The following MTERF4 variants were observed in gnomAD, a reference collection of about 807,000 sequenced individuals.
The protein encoded by MTERF4 is transcription termination factor 4, mitochondrial.
Under a neutral mutation model 22.5 loss-of-function variants are expected in MTERF4, and 17 were observed. The observed-to-expected ratio is 0.75, with a 90% CI of 0.52 to 1.13. The LOEUF is 1.13. MTERF4 is among the 50% of genes most tolerant of loss of function. The probability of loss-of-function intolerance (pLI) is 0.00; values close to 1 mark genes in which losing one functional copy is unlikely to be tolerated. For missense variants in MTERF4, 420 were observed against 466.8 expected (o/e 0.90, Z 0.92); for synonymous variants, 165 against 175.3 (o/e 0.94, Z 0.47).
the MTERF4 span, chr2:241,064,104 T>C: frequency 1.3e-6 from 2 of 1,564,906 alleles, no homozygotes; most frequent in Non-Finnish European, 1.7e-6. The surrounding 1 kb of genome is among the most constrained non-coding windows in gnomAD (Gnocchi z 7.0). Flanking sequence ...AGAGAGCTTC[T>C]TCGGCTACCA....
downstream of MTERF4, chr2:241,071,964 G>A (rs767345441): frequency 1.2e-5 from 13 of 1,119,106 alleles, no homozygotes; most frequent in African/African-American, 1.2e-4. Flanking sequence ...CCTACATGAT[G>A]AGCCCACCCC....
chr2:241,065,445 C>T, the MTERF4 span: 16 of 1,613,078 alleles, frequency 9.9e-6, no homozygotes, highest in East Asian at 4.5e-5. Context: ...CTCCTACCGC[C>T]GCACAGACTT....
chr2:241,048,882 C>T, the MTERF4 span: 1 of 1,187,182 alleles, frequency 8.4e-7, no homozygotes, highest in Non-Finnish European at 1.2e-6. Context: ...GGTTCTACCC[C>T]CACCCAGGAG....
the MTERF4 span, chr2:241,048,685 C>T: frequency 1.2e-6 from 2 of 1,611,714 alleles, no homozygotes; most frequent in African/African-American, 2.7e-5. Context: ...CTGTGAGTGC[C>T]GCAACGGAGG....
At chr2:241,101,053 CCA>C in intron 1 of MTERF4, 2 of 415,620 alleles carry the variant, frequency 4.8e-6, no homozygotes, top group South Asian at 3.4e-5. Context: ...GACAATTTTT[CCA>C]CAGACTGGTG....
At chr2:241,089,772 C>T (rs2063790230), downstream of MTERF4, among the ~76,000 whole-genome samples, 1 of 152,230 alleles carries the variant, frequency 6.6e-6, no homozygotes, top group Non-Finnish European at 1.5e-5. Flanking sequence ...TTCATCTGGG[C>T]GAACATCATA....
the MTERF4 span, chr2:241,049,833 C>T: frequency 1.4e-5 from 23 of 1,613,560 alleles, no homozygotes; most frequent in South Asian, 2.3e-4. Context: ...CATCACCCTG[C>T]GACTCGGACC....
At chr2:241,063,590 G>C in the MTERF4 span, 1 of 1,598,772 alleles carries the variant, frequency 6.3e-7, no homozygotes, top group Non-Finnish European at 8.5e-7. Flanking sequence ...TGTGCAGAGA[G>C]GGATGAGTGC....
At position 241,073,217 on chromosome 2, in the gene MTERF4, C is replaced by A; in HGVS notation, n.2945G>T. The A allele has an allele frequency of 7.1e-7, 1 of 1,409,894 alleles. No homozygotes were observed. Among genetic ancestry groups the A allele is most frequent in the Non-Finnish European group, 9.8e-7 (1 of 1,021,250 alleles). The allele number at this position is 1,409,894 out of a possible 1,614,324, so 87.3% of individuals were successfully genotyped here. On this transcript the variant is annotated non_coding_transcript_exon_variant, in exon 5 of 5. Coordinates refer to the MTERF4 transcript ENST00000464344. This position sits in a 1 kb window ranked among gnomAD's most constrained non-coding sequence, Gnocchi z 6.6. ...TCAAAAGGGTGGCCCCAGGACCATC[C>A]CGGGTGCAAAGCAGCTGCGCCGTGT...
At chr2:241,102,121 C>CT (rs2064740471) in intron 1 of MTERF4, 132 bp downstream of exon 1, 2 of 1,275,068 alleles carry the variant, frequency 1.6e-6, no homozygotes, top group African/African-American at 3.0e-5. Context: ...ATGCCAAAAC[C>CT]AGGTCAGCGT....
chr2:241,070,279 T>C (rs938483260), downstream of MTERF4: 31 of 1,414,566 alleles, frequency 2.2e-5, no homozygotes, highest in Non-Finnish European at 2.6e-5. Flanking sequence ...GACCTGGCCC[T>C]GCAGGGGCCT....
the MTERF4 span, among the ~76,000 whole-genome samples, chr2:241,062,495 C>T: frequency 2.0e-5 from 3 of 152,124 alleles, no homozygotes; most frequent in Non-Finnish European, 4.4e-5. Flanking sequence ...TCTGTCAAAC[C>T]CCTGAGGCCT....
At chr2:241,087,591 C>A, downstream of MTERF4, 4 of 1,453,386 alleles carry the variant, frequency 2.8e-6, no homozygotes, top group Non-Finnish European at 3.6e-6. Context: ...GCGGTCTACT[C>A]GCCCAGATAG....
Position 241,102,242 on chromosome 2 carries a change from C to T in MTERF4, c.21+11G>A. ...GACCCGGAGAAGCCCGCGCGCCCAG[C>T]TCGAGCTTACCTGACGGCCGAACGC... On this transcript the variant is annotated intron_variant, in intron 1 of 3. Transcript: ENST00000391980. The T allele has an allele frequency of 6.5e-7, 1 of 1,549,280 alleles. No individual in the cohort carries two copies. Among genetic ancestry groups the T allele is most frequent in the Non-Finnish European group, 8.7e-7 (1 of 1,146,104 alleles).
chr2:241,046,337 C>T, the MTERF4 span, among the ~76,000 whole-genome samples: 2 of 152,200 alleles, frequency 1.3e-5, no homozygotes, highest in East Asian at 3.8e-4. Context: ...CTTATGTTTA[C>T]ACACAAATCC....
downstream of MTERF4, among the ~76,000 whole-genome samples, chr2:241,085,543 A>G (rs2063531664): frequency 6.6e-6 from 1 of 151,978 alleles, no homozygotes; most frequent in African/African-American, 2.4e-5. Context: ...CTCATCTGCT[A>G]TTTCTGTCAT....
chr2:241,062,637 C>T, the MTERF4 span, among the ~76,000 whole-genome samples: 3 of 152,226 alleles, frequency 2.0e-5, no homozygotes, highest in South Asian at 4.1e-4. Flanking sequence ...TGCCCTGCCC[C>T]GACTCCAAGG....
At position 241,099,739 on chromosome 2, in the gene MTERF4, T is replaced by C. The variant is rs751503273; in HGVS notation, c.177A>G (p.Arg59=). Residue 59 remains arginine (R), a synonymous_variant, in exon 2 of 4, where the codon AGA becomes AGG. Coordinates refer to ENST00000391980, the MANE Select transcript of MTERF4 (RefSeq NM_182501.4). ...GGVIEELSCV[R]SNNYVQEPEC... ...CTGGTTCCTGCACATAGTTATTGGATCTAACACAAGATAACTCCTCAATGA... is the reference window on the plus strand; with the variant it reads ...CTGGTTCCTGCACATAGTTATTGGACCTAACACAAGATAACTCCTCAATGA... 45 of 1,614,136 alleles carry C rather than the reference T, an allele frequency of 2.8e-5. No homozygotes were observed. The highest frequency in any genetic ancestry group is 3.8e-5 in the Non-Finnish European group (45 of 1,180,020).
At position 241,073,759 on chromosome 2, in the gene MTERF4, G is replaced by A. The variant is rs1196217661; in HGVS notation, n.2403C>T. On this transcript the variant is annotated non_coding_transcript_exon_variant, in exon 5 of 5. Transcript: ENST00000464344. This position sits in a 1 kb window ranked among gnomAD's most constrained non-coding sequence, Gnocchi z 6.6. ...GCGGAGTCAGGATGGGAGAAGCAGA[G>A]GGAGCAGCCACTGGGCGAGCCCCAG... The A allele has an allele frequency of 2.7e-6, 1 of 370,862 alleles. No homozygotes were observed. Among genetic ancestry groups the A allele is most frequent in the Non-Finnish European group, 4.9e-6 (1 of 205,066 alleles). 23.0% of individuals were successfully genotyped at this position (370,862 alleles called of 1,614,324 possible).
Sources: allele counts gnomAD v4.1 joint callset (sites outside exome capture counted in the v4.1 genomes callset), GRCh38; gene constraint gnomAD v4.1.1; non-coding constraint Gnocchi (gnomAD v3.1); transcripts MANE v1.5; gene names NCBI Gene and HGNC (gene_info 2026-07-23, HGNC 2026-07-21).